DLG1: variants seen among roughly 807,000 people sequenced by gnomAD.
DLG1 encodes disks large homolog 1.
A neutral mutation model predicts 123.4 loss-of-function variants in DLG1; 42 were observed. The observed-to-expected ratio is 0.34, with a 90% CI of 0.27 to 0.44. The LOEUF (loss-of-function observed/expected upper bound fraction) is 0.44, where lower values mean the gene tolerates loss of function less well. DLG1 is among the 20% of genes least tolerant of loss of function. The probability of loss-of-function intolerance (pLI) is 1.00; values close to 1 mark genes in which losing one functional copy is unlikely to be tolerated. For synonymous variants in DLG1, 317 were observed against 356.2 expected, an observed-to-expected ratio of 0.89 and a Z score of 1.24; for missense variants, 942 against 1,082.6, an observed-to-expected ratio of 0.87 and a Z score of 1.82.
chr3:197,076,784 C>T (rs1747578831), intron 17 of DLG1, 99 bp from the exon 18 acceptor site: 2 of 677,920 alleles, frequency 3.0e-6, no homozygotes, highest in Non-Finnish European at 5.2e-6. Flanking sequence ...CCTATGACCA[C>T]AGTGTGCAGT....
chr3:197,214,466 G>T (rs1289546414), intron 4 of DLG1, among the ~76,000 whole-genome samples: 1 of 152,026 alleles, frequency 6.6e-6, no homozygotes, highest in South Asian at 2.1e-4. Context: ...CCAGCTACTC[G>T]GGAGGCTGAG....
intron 4 of DLG1, among the ~76,000 whole-genome samples, chr3:197,256,215 A>G (rs1756810533): frequency 6.6e-6 from 1 of 152,198 alleles, no homozygotes; most frequent in African/African-American, 2.4e-5. Context: ...ATTGTCTGTA[A>G]AAGTCTAGAG....
At chr3:197,093,247 C>A (rs1286878818) in intron 14 of DLG1, among the ~76,000 whole-genome samples, 2 of 152,124 alleles carry the variant, frequency 1.3e-5, no homozygotes, top group Admixed American at 6.5e-5. Context: ...CAACCTCCGC[C>A]TTCTGGCTTC....
chr3:197,086,255 G>C (rs1191725767), intron 15 of DLG1, among the ~76,000 whole-genome samples: 1 of 152,142 alleles, frequency 6.6e-6, no homozygotes, highest in African/African-American at 2.4e-5. Context: ...AGAGTTTTCA[G>C]AGTCAGTAAC....
intron 4 of DLG1, among the ~76,000 whole-genome samples, chr3:197,234,122 G>C (rs1489357219): frequency 1.3e-5 from 2 of 152,200 alleles, no homozygotes; most frequent in African/African-American, 2.4e-5. Flanking sequence ...AGGAAACCTA[G>C]AATACCAGAG....
At chr3:197,085,475 A>G (rs1753775305) in intron 16 of DLG1, 105 bp downstream of exon 16, 3 of 1,156,542 alleles carry the variant, frequency 2.6e-6, no homozygotes, top group African/African-American at 1.5e-5. Flanking sequence ...TTCAATTAGA[A>G]TAATGCACTC....
intron 5 of DLG1, chr3:197,183,551 TA>T: frequency 1.9e-6 from 3 of 1,540,838 alleles, no homozygotes; most frequent in Non-Finnish European, 2.6e-6. Context: ...AGATTGAAAA[TA>T]ATTTCAACAA....
At position 197,245,933 on chromosome 3, in the gene DLG1, C is replaced by A. The variant is rs1751515779; in HGVS notation, c.318+36746G>T. Among the ~76,000 whole-genome samples the A allele has an allele frequency of 2.0e-5, 3 of 147,756 alleles. No individual in the cohort carries two copies. The Admixed American group carries it at 2.1e-4, about 10-fold the overall frequency. ...GGGGAGGTGGCAAATGAAGGTTATC[C>A]AGTACCTGGGTGATTAATTAACTGT... On this transcript the variant is annotated intron_variant, in intron 4 of 24. Coordinates refer to ENST00000667157, the MANE Select transcript of DLG1 (RefSeq NM_001366207.1).
At chr3:197,084,002 T>C (rs1343436625) in intron 16 of DLG1, among the ~76,000 whole-genome samples, 1 of 151,858 alleles carries the variant, frequency 6.6e-6, no homozygotes, top group East Asian at 1.9e-4. Flanking sequence ...TACCTACCTA[T>C]CTACCTATAT....
chr3:197,260,567 G>C (rs1758880393), intron 4 of DLG1: 1 of 157,466 alleles, frequency 6.4e-6, no homozygotes, highest in East Asian at 1.9e-4. Context: ...TGTGGAAGAT[G>C]TCAGGGTTTA....
At chr3:197,201,952 A>G (rs576601414) in intron 4 of DLG1, among the ~76,000 whole-genome samples, 5 of 148,866 alleles carry the variant, frequency 3.4e-5, no homozygotes, top group Non-Finnish European at 5.9e-5. Flanking sequence ...ATGTGTACAC[A>G]TGGAGGCAGA....
At chr3:197,058,127 C>A (rs1276996900) in intron 23 of DLG1, among the ~76,000 whole-genome samples, 1 of 152,022 alleles carries the variant, frequency 6.6e-6, no homozygotes, top group African/African-American at 2.4e-5. Context: ...CACAGGCGCA[C>A]ACCACCATGC....
intron 23 of DLG1, among the ~76,000 whole-genome samples, chr3:197,058,469 G>A (rs1374289412): frequency 1.3e-5 from 2 of 152,124 alleles, no homozygotes; most frequent in Non-Finnish European, 2.9e-5. Context: ...AATTTATTCT[G>A]TGATTTCTTC....
intron 4 of DLG1, among the ~76,000 whole-genome samples, chr3:197,264,611 G>C (rs1400881721): frequency 6.6e-6 from 1 of 152,072 alleles, no homozygotes; most frequent in Non-Finnish European, 1.5e-5. Context: ...ATCTTTAGTA[G>C]AGACGGGGTT....
At chr3:197,190,503 T>A (rs1174245780) in intron 5 of DLG1, among the ~76,000 whole-genome samples, 1 of 152,196 alleles carries the variant, frequency 6.6e-6, no homozygotes, top group Non-Finnish European at 1.5e-5. Context: ...CATCCGCATA[T>A]AAGTGGAGCA....
intron 4 of DLG1, among the ~76,000 whole-genome samples, chr3:197,208,732 C>T (rs1729869388): frequency 6.9e-6 from 1 of 145,444 alleles, no homozygotes; most frequent in Admixed American, 6.9e-5. Context: ...AGAAAATACA[C>T]ATATTTGCTT....
intron 16 of DLG1, among the ~76,000 whole-genome samples, chr3:197,081,647 A>ATGTG (rs201049386): frequency 2.0e-5 from 3 of 151,804 alleles, no homozygotes; most frequent in East Asian, 1.9e-4. Context: ...TTAATGATAT[A>ATGTG]TGTGTGTGTG....
At chr3:197,180,079 G>A (rs981888862) in intron 5 of DLG1, among the ~76,000 whole-genome samples, 11 of 94,596 alleles carry the variant, frequency 1.2e-4, no homozygotes, top group East Asian at 3.3e-4. Flanking sequence ...GGGGGGGGGG[G>A]GCTTTTTGAG....
intron 5 of DLG1, among the ~76,000 whole-genome samples, chr3:197,157,782 T>C (rs1030290583): frequency 1.3e-5 from 2 of 152,130 alleles, no homozygotes; most frequent in South Asian, 2.1e-4. Context: ...CACTTCCTGA[T>C]TCCAAAACTT....
Sources: allele counts gnomAD v4.1 joint callset (sites outside exome capture counted in the v4.1 genomes callset), GRCh38; gene constraint gnomAD v4.1.1; transcripts MANE v1.5; gene names NCBI Gene and HGNC (gene_info 2026-07-23, HGNC 2026-07-21).